Variants in TUBGCP3 observed in about 807,000 individuals in gnomAD.
TUBGCP3 encodes the protein gamma-tubulin complex component 3.
In TUBGCP3, 50 loss-of-function variants were observed where a neutral mutation model predicts 123.1. That is an observed-to-expected ratio of 0.41 (90% CI 0.32 to 0.51). The LOEUF (loss-of-function observed/expected upper bound fraction) is 0.51. Ranked by LOEUF, TUBGCP3 falls within the 20% of genes least tolerant of loss-of-function variation. The pLI, the probability that TUBGCP3 is intolerant of heterozygous loss-of-function variation, is 0.36. For missense variants in TUBGCP3, 882 were observed against 1,127.0 expected (o/e 0.78, Z 3.11); for synonymous variants, 405 against 413.9 (o/e 0.98, Z 0.26).
chr13:112,525,504 C>G (rs1876978594), intron 13 of TUBGCP3, among the ~76,000 whole-genome samples: 2 of 152,214 alleles, frequency 1.3e-5, no homozygotes, highest in Admixed American at 6.5e-5. Flanking sequence ...TTTCCTGTAG[C>G]TACCACAGTG....
Position 112,519,041 on chromosome 13 carries a change from G to T in TUBGCP3, c.1884C>A (p.Val628=). ...CATCCCATCCAGTGTCACCTGGAGA[G>T]ACCTAACAACAGAAACAAACACATA... The part of the protein sequence containing the change: ...LRRLDVRLLE[V]SPGDTGWDVF... Residue 628 remains valine (V), a splice_region_variant and synonymous_variant, in exon 16 of 22, where the codon GTC becomes GTA. Transcript: ENST00000261965. This position sits in a 1 kb window ranked among gnomAD's most constrained non-coding sequence, Gnocchi z 6.2. 6.2e-7 allele frequency: 1 copy of T among 1,613,384 alleles called. No individual in the cohort carries two copies. Among genetic ancestry groups the T allele is most frequent in the Non-Finnish European group, 8.5e-7 (1 of 1,179,302 alleles).
chr13:112,547,925 A>T (rs1357622562), intron 9 of TUBGCP3, among the ~76,000 whole-genome samples, 173 bp from the exon 10 acceptor site: 2 of 152,302 alleles, frequency 1.3e-5, no homozygotes, highest in East Asian at 3.9e-4. Flanking sequence ...GAACCCCGAA[A>T]ATTGGCAATT....
chr13:112,558,474 TA>T (rs34148698), intron 4 of TUBGCP3, 61 bp from the exon 5 acceptor site: 4 of 1,372,602 alleles, frequency 2.9e-6, no homozygotes, highest in African/African-American at 1.4e-5. Flanking sequence ...TTCCCAAACC[TA>T]AAAAGGTCAT....
intron 1 of TUBGCP3, among the ~76,000 whole-genome samples, chr13:112,571,789 G>A (rs367607525): frequency 1.6e-4 from 24 of 152,276 alleles, no homozygotes; most frequent in African/African-American, 5.5e-4. Flanking sequence ...TGGATGACTT[G>A]CTGCAGCTTC....
At chr13:112,509,266 A>T (rs2139021748) in intron 17 of TUBGCP3, among the ~76,000 whole-genome samples, 1 of 152,286 alleles carries the variant, frequency 6.6e-6, no homozygotes, top group Admixed American at 6.5e-5. Context: ...TGACTGTAAG[A>T]TCCTGTGTAA....
intron 17 of TUBGCP3, among the ~76,000 whole-genome samples, chr13:112,515,836 A>G (rs577794113): frequency 6.6e-6 from 1 of 152,342 alleles, no homozygotes; most frequent in Non-Finnish European, 1.5e-5. Flanking sequence ...GAGCTGGTAA[A>G]GAAGCAGAGA....
intron 14 of TUBGCP3, chr13:112,521,584 A>C: frequency 1.1e-6 from 1 of 871,290 alleles, no homozygotes; most frequent in Non-Finnish European, 1.4e-6. Flanking sequence ...CCTGAGGCCT[A>C]AAACAATTGC....
At chr13:112,533,021 A>G (rs1877714281) in intron 11 of TUBGCP3, among the ~76,000 whole-genome samples, 1 of 152,232 alleles carries the variant, frequency 6.6e-6, no homozygotes, top group African/African-American at 2.4e-5. Context: ...AAATCAGCCA[A>G]GCCCAGAGGC....
At chr13:112,596,637 G>A in the TUBGCP3 span, among the ~76,000 whole-genome samples, 1 of 152,062 alleles carries the variant, frequency 6.6e-6, no homozygotes, top group African/African-American at 2.4e-5. Flanking sequence ...TGCCAAATTT[G>A]GGGATTTTTC....
chr13:112,603,287 T>C, the TUBGCP3 span: 2 of 152,232 alleles, frequency 1.3e-5, no homozygotes, highest in Non-Finnish European at 2.9e-5. Context: ...AGCCTATCTT[T>C]GTATTAAAAG....
At chr13:112,515,330 A>C (rs1205175009) in intron 17 of TUBGCP3, among the ~76,000 whole-genome samples, 1 of 152,150 alleles carries the variant, frequency 6.6e-6, no homozygotes, top group Non-Finnish European at 1.5e-5. Context: ...AATCCACTAC[A>C]AGAAAGATGC....
In TUBGCP3 at chr13:112,504,609, C is replaced by A; in HGVS notation, c.2175+17G>T. On this transcript the variant is annotated intron_variant, in intron 18 of 21. Coordinates refer to ENST00000261965, the MANE Select transcript of TUBGCP3 (RefSeq NM_006322.6). ...TGACTTATTTAAACTAAAATCAACA[C>A]AATGACTGAAGTGTACCTCAAATGT... 6.2e-7 allele frequency: 1 copy of A among 1,606,916 alleles called. No individual in the cohort carries two copies. Among genetic ancestry groups the A allele is most frequent in the Non-Finnish European group, 8.5e-7 (1 of 1,174,802 alleles).
Position 112,516,516 on chromosome 13 carries a change from C to T in TUBGCP3, c.2010G>A (p.Ala670=), listed in dbSNP as rs1186419449. 5.0e-6 allele frequency: 8 copies of T among 1,613,946 alleles called. No individual in the cohort carries two copies. The highest frequency in any genetic ancestry group is 1.1e-5 in the South Asian group (1 of 91,064). ...CAGTGAGGATGTATTCCATCCGCTT[C>T]GCCCTCCAGAGGAAGTTAAATACTC... ...YLRVFNFLWR[A]KRMEYILTDI... The change falls in exon 17 of 22, where the codon GCG becomes GCA. Residue 670 remains alanine (A), a synonymous_variant. Coordinates refer to ENST00000261965, the MANE Select transcript of TUBGCP3 (RefSeq NM_006322.6).
chr13:112,520,676 AGAG>A (rs1417424078), intron 14 of TUBGCP3, among the ~76,000 whole-genome samples: 3 of 152,374 alleles, frequency 2.0e-5, no homozygotes, highest in African/African-American at 7.2e-5. Flanking sequence ...CCCAATGGGA[AGAG>A]GAGAGGCCTC....
intron 21 of TUBGCP3, among the ~76,000 whole-genome samples, chr13:112,487,729 C>T (rs1879774776): frequency 6.6e-6 from 1 of 152,178 alleles, no homozygotes; most frequent in South Asian, 2.1e-4. Context: ...TCACTACCCC[C>T]TTTTATGAAA....
intron 16 of TUBGCP3, among the ~76,000 whole-genome samples, chr13:112,517,614 C>T (rs1037327565): frequency 7.2e-5 from 11 of 152,124 alleles, no homozygotes; most frequent in Non-Finnish European, 1.2e-4. Context: ...TTGTTAAGGC[C>T]GGGCACGGTG....
In TUBGCP3 at chr13:112,511,189, G is replaced by A. The variant is rs1881651090; in HGVS notation, c.2086+5251C>T. On this transcript the variant is annotated intron_variant, in intron 17 of 21. Transcript: ENST00000261965. The surrounding 1 kb of genome is among the most constrained non-coding windows in gnomAD (Gnocchi z 4.1). ...TGCCAGTCACACTGACAGACACCCT[G>A]ACCACAGTCCTGTGCGGGAAACACC... Among the ~76,000 whole-genome samples the A allele has an allele frequency of 6.6e-6, 1 of 152,152 alleles. No homozygotes were observed. The highest frequency in any genetic ancestry group is 2.4e-5 in the African/African-American group (1 of 41,418).
At chr13:112,570,356 G>C (rs1230625363) in intron 1 of TUBGCP3, among the ~76,000 whole-genome samples, 1 of 152,216 alleles carries the variant, frequency 6.6e-6, no homozygotes, top group Non-Finnish European at 1.5e-5. Context: ...CACAGAGATA[G>C]TGCAGATCTG....
chr13:112,533,037 G>A (rs950366707), intron 11 of TUBGCP3, among the ~76,000 whole-genome samples: 1 of 152,190 alleles, frequency 6.6e-6, no homozygotes, highest in Non-Finnish European at 1.5e-5. Flanking sequence ...GAGGCAGCTG[G>A]GCAGAGAGGC....
Sources: gnomAD v4.1 joint callset for allele counts (sites outside exome capture counted in the v4.1 genomes callset) on GRCh38, gnomAD v4.1.1 for gene constraint, Gnocchi (gnomAD v3.1) non-coding constraint, MANE v1.5 for transcripts, NCBI Gene and HGNC (gene_info 2026-07-23, HGNC 2026-07-21) for gene names.